The following EPN1 variants were observed in gnomAD, a reference collection of about 807,000 sequenced individuals.
EPN1 encodes epsin-1.
A neutral mutation model predicts 56.9 loss-of-function variants in EPN1; 25 were observed. That is an observed-to-expected ratio of 0.44 (90% CI 0.32 to 0.61). The LOEUF is 0.61. Among genes scored for constraint, EPN1 ranks in the 20% least tolerant of loss-of-function variants. The pLI, the probability that EPN1 is intolerant of heterozygous loss-of-function variation, is 0.05. For missense variants in EPN1, 785 were observed against 823.7 expected (o/e 0.95, Z 0.58); for synonymous variants, 411 against 361.8 (o/e 1.14, Z -1.54).
Position 55,678,592 on chromosome 19 carries a change from G to C in EPN1, c.-36G>C. The C allele has an allele frequency of 6.3e-7, 1 of 1,579,632 alleles. No homozygotes were observed. Among genetic ancestry groups the C allele is most frequent in the Non-Finnish European group, 8.6e-7 (1 of 1,164,656 alleles). ...GAGTCGCCCCATCTCTCCACGCATC[G>C]GGGCCCTGTGCCCCTTGCTGCTGCA... On this transcript the variant is annotated 5_prime_UTR_variant, in exon 2 of 11. Transcript: ENST00000270460.
At position 55,694,558 on chromosome 19, in the gene EPN1, G is replaced by A. The variant is rs542752819; in HGVS notation, c.1265-168G>A. The stretch of plus-strand genomic sequence containing the variant: ...TTATGGGAATCTGGGCTGACGTGAG[G>A]TTTTGGCCTGGGCAAGCGATGCTTC... On this transcript the variant is annotated intron_variant, in intron 9 of 10. Transcript: ENST00000270460. This position sits in a 1 kb window ranked among gnomAD's most constrained non-coding sequence, Gnocchi z 4.2. 2.5e-5 allele frequency: 19 copies of A among 759,348 alleles called. No individual in the cohort carries two copies. In the East Asian group the frequency reaches 5.0e-4, roughly 20 times the overall value. 47.0% of individuals were successfully genotyped at this position (759,348 alleles called of 1,614,324 possible).
chr19:55,682,672 A>G (rs962445657), intron 2 of EPN1, among the ~76,000 whole-genome samples: 1 of 152,080 alleles, frequency 6.6e-6, no homozygotes, highest in Non-Finnish European at 1.5e-5. Context: ...GACTCAAGCG[A>G]TCCACCGACT....
Position 55,689,113 on chromosome 19 carries a change from C to T in EPN1, c.603+119C>T, listed in dbSNP as rs1052730046. 1.8e-5 allele frequency: 24 copies of T among 1,370,220 alleles called. No homozygotes were observed. Among genetic ancestry groups the T allele is most frequent in the South Asian group, 1.0e-4 (7 of 69,964 alleles). 84.9% of individuals were successfully genotyped at this position (1,370,220 alleles called of 1,614,324 possible). A position where few individuals can be genotyped will look rare whatever the true frequency, so the allele number is the denominator to read the frequency against. ...TGTCGCTGCTCCACATGCTGTCACT[C>T]GTCTCCTCCCCAGTCCTGCCTCATC... is the stretch of plus-strand genomic sequence containing the variant. On this transcript the variant is annotated intron_variant, in intron 4 of 10. Transcript: ENST00000270460. The surrounding 1 kb of genome is among the most constrained non-coding windows in gnomAD (Gnocchi z 5.7).
Position 55,691,665 on chromosome 19 carries a change from C to A in EPN1, c.763-89C>A. On this transcript the variant is annotated intron_variant, in intron 6 of 10. Transcript: ENST00000270460. This position sits in a 1 kb window ranked among gnomAD's most constrained non-coding sequence, Gnocchi z 5.6. ...TGCTGTCTGGACACCCAGGGCCTGG[C>A]CGCCTCCCCCGCCACGGGCCCCAGC... 1 of 1,221,626 alleles carries A rather than the reference C, an allele frequency of 8.2e-7. No individual in the cohort carries two copies. The highest frequency in any genetic ancestry group is 1.2e-6 in the Non-Finnish European group (1 of 853,916). 75.7% of individuals were successfully genotyped at this position (1,221,626 alleles called of 1,614,324 possible). A position where few individuals can be genotyped will look rare whatever the true frequency, so the allele number is the denominator to read the frequency against.
rs765268448 is a variant in EPN1 at position 55,708,963 on chromosome 19, T to A, written c.*13607T>A. ...ATTCCTCGTCAATCCAAGGTCCATG[T>A]GAAATGGTCAGATGGGGAATTTTTT... On this transcript the variant is annotated 3_prime_UTR_variant, in exon 11 of 11. Transcript: ENST00000270460. 10 of 1,590,368 alleles carry A rather than the reference T, an allele frequency of 6.3e-6. No homozygotes were observed. Among genetic ancestry groups the A allele is most frequent in the Non-Finnish European group, 8.5e-6 (10 of 1,171,284 alleles).
In EPN1 at chr19:55,707,229, C is replaced by G. The variant is rs973940386; in HGVS notation, c.*11873C>G. The G allele has an allele frequency of 4.6e-5, 7 of 151,836 alleles. No homozygotes were observed. The highest frequency in any genetic ancestry group is 1.7e-4 in the African/African-American group (7 of 41,312). 9.4% of individuals were successfully genotyped at this position (151,836 alleles called of 1,614,324 possible). On this transcript the variant is annotated 3_prime_UTR_variant, in exon 11 of 11. Transcript: ENST00000270460. ...CGGTAGTGTGCACCTGTGGTCCCAG[C>G]TACACAGGAGGCTGAGGCAGGAGCA...
chr19:55,678,928 C>T, intron 2 of EPN1, 73 bp downstream of exon 2: 2 of 1,077,938 alleles, frequency 1.9e-6, no homozygotes, highest in Non-Finnish European at 2.7e-6. Flanking sequence ...TGTTGTGCAC[C>T]CTGCCTGGGA....
Position 55,689,289 on chromosome 19 carries a change from TC to T in EPN1, c.604-3del. 1 of 1,542,184 alleles carries T rather than the reference TC, an allele frequency of 6.5e-7. No homozygotes were observed. Among genetic ancestry groups the T allele is most frequent in the Non-Finnish European group, 8.8e-7 (1 of 1,141,530 alleles). ...CCCGTCATGCCCCTCACACTCTCTC[TC>T]CCCCAGCCCCCGTCCTGCGGCCCCG... is the stretch of plus-strand genomic sequence containing the variant. On this transcript the variant is annotated splice_polypyrimidine_tract_variant and splice_region_variant and intron_variant, in intron 4 of 10. Transcript: ENST00000270460. This position sits in a 1 kb window ranked among gnomAD's most constrained non-coding sequence, Gnocchi z 5.7.
intron 3 of EPN1, 103 bp from the exon 4 acceptor site, chr19:55,688,767 G>C (rs913040038): frequency 1.7e-5 from 25 of 1,495,868 alleles, no homozygotes; most frequent in Non-Finnish European, 2.2e-5. Context: ...GGGGGACTTG[G>C]GGGGTGGGGT....
In EPN1 at chr19:55,689,942, A is replaced by G; in HGVS notation, c.754A>G (p.Lys252Glu). Reference protein sequence around the residue: ...IEESKRETGGKEESSLMDLAD... With the variant: ...IEESKRETGGEEESSLMDLAD... ...GGAGAGCAAGAGGGAGACTGGGGGCAAGGAGGAGGTGAGCGGGGCTTGTTC... is the reference window on the plus strand; with the variant it reads ...GGAGAGCAAGAGGGAGACTGGGGGCGAGGAGGAGGTGAGCGGGGCTTGTTC... Residue 252 changes from lysine (K) to glutamate (E), a missense_variant, in exon 6 of 11, where the codon AAG (lysine) becomes GAG (glutamate). Coordinates refer to ENST00000270460, the MANE Select transcript of EPN1 (RefSeq NM_001130072.2). This position sits in a 1 kb window ranked among gnomAD's most constrained non-coding sequence, Gnocchi z 5.7. 6.2e-7 allele frequency: 1 copy of G among 1,600,902 alleles called. No individual in the cohort carries two copies. Among genetic ancestry groups the G allele is most frequent in the Non-Finnish European group, 8.5e-7 (1 of 1,174,276 alleles).
intron 1 of EPN1, chr19:55,677,202 G>A (rs370256903): frequency 2.6e-6 from 4 of 1,534,096 alleles, no homozygotes; most frequent in South Asian, 2.4e-5. Flanking sequence ...CTGGAACCAG[G>A]CTGCTCCAGG....
In EPN1 at chr19:55,695,056, G is replaced by T; in HGVS notation, c.1522+73G>T. The T allele has an allele frequency of 1.3e-6, 2 of 1,592,822 alleles. No homozygotes were observed. Among genetic ancestry groups the T allele is most frequent in the East Asian group, 4.6e-5 (2 of 43,862 alleles). The stretch of plus-strand genomic sequence containing the variant: ...CAGAGGAGGTGCCTCACGGGGCAGG[G>T]ACACTTCGCCCTTTGCCTGCACATG... On this transcript the variant is annotated intron_variant, in intron 10 of 10. Coordinates refer to ENST00000270460, the MANE Select transcript of EPN1 (RefSeq NM_001130072.2). This position sits in a 1 kb window ranked among gnomAD's most constrained non-coding sequence, Gnocchi z 4.4.
intron 2 of EPN1, among the ~76,000 whole-genome samples, chr19:55,682,623 G>A (rs892212566): frequency 2.0e-5 from 3 of 151,684 alleles, no homozygotes; most frequent in Non-Finnish European, 4.4e-5. Flanking sequence ...TTTAGAGCTG[G>A]GGTTTTGCCA....
In EPN1 at chr19:55,709,224, T is replaced by G; in HGVS notation, c.*13868T>G. On this transcript the variant is annotated 3_prime_UTR_variant, in exon 11 of 11. Transcript: ENST00000270460. ...TCCTATAGGATAGGAAGCCTCTGAT[T>G]TATACCATAAAGTGAAATTTCATAT... 2 of 431,122 alleles carry G rather than the reference T, an allele frequency of 4.6e-6. No individual in the cohort carries two copies. 26.7% of individuals were successfully genotyped at this position (431,122 alleles called of 1,614,324 possible). A position where few individuals can be genotyped will look rare whatever the true frequency, so the allele number is the denominator to read the frequency against.
At chr19:55,683,621 G>A (rs187072604) in intron 2 of EPN1, among the ~76,000 whole-genome samples, 5 of 152,378 alleles carry the variant, frequency 3.3e-5, no homozygotes, top group Admixed American at 1.3e-4. Context: ...CCATAGTGCC[G>A]GGATTATAGG....
At chr19:55,681,613 A>G (rs1985824656) in intron 2 of EPN1, among the ~76,000 whole-genome samples, 1 of 152,186 alleles carries the variant, frequency 6.6e-6, no homozygotes, top group South Asian at 2.1e-4. Context: ...TGAAAAACTG[A>G]AATGTTTTTC....
At position 55,695,325 on chromosome 19, in the gene EPN1, C is replaced by G; in HGVS notation, c.1700C>G (p.Pro567Arg). 2 of 1,526,420 alleles carry G rather than the reference C, an allele frequency of 1.3e-6. No homozygotes were observed. Among genetic ancestry groups the G allele is most frequent in the Non-Finnish European group, 1.8e-6 (2 of 1,132,858 alleles). The allele number at this position is 1,526,420 out of a possible 1,614,324, so 94.6% of individuals were successfully genotyped here. A position where few individuals can be genotyped will look rare whatever the true frequency, so the allele number is the denominator to read the frequency against. ...CCCCCCATGATGCCCCCGGGCCCCC[C>G]GGCCCCCAACACTAATCCCTTCCTC... Reference protein sequence around the residue: ...GLPPMMPPGPPAPNTNPFLL With the variant: ...GLPPMMPPGPRAPNTNPFLL Residue 567 changes from proline (P) to arginine (R), a missense_variant, in exon 11 of 11, where the codon CCG (proline) becomes CGG (arginine). By Grantham distance (103) the Pro-to-Arg change is moderately radical. This residue lies in a region of EPN1 where 650 missense variants were observed against 605.0 expected (regional missense o/e 1.07). Transcript: ENST00000270460. The surrounding 1 kb of genome is among the most constrained non-coding windows in gnomAD (Gnocchi z 4.4).
At position 55,697,807 on chromosome 19, in the gene EPN1, G is replaced by A. The variant is rs1986969007; in HGVS notation, c.*2451G>A. 1 of 152,162 alleles carries A rather than the reference G, an allele frequency of 6.6e-6. No individual in the cohort carries two copies. The highest frequency in any genetic ancestry group is 1.5e-5 in the Non-Finnish European group (1 of 68,048). The allele number at this position is 152,162 out of a possible 1,614,324, so 9.4% of individuals were successfully genotyped here. A position where few individuals can be genotyped will look rare whatever the true frequency, so the allele number is the denominator to read the frequency against. ...TAGTGACATACACGGTTGAACGCTG[G>A]GAGAATGCTGGGAGCCTGCTGTTGT... is the stretch of plus-strand genomic sequence containing the variant. On this transcript the variant is annotated 3_prime_UTR_variant, in exon 11 of 11. Transcript: ENST00000270460.
At position 55,692,977 on chromosome 19, in the gene EPN1, G is replaced by C. The variant is rs745567288; in HGVS notation, c.1204G>C (p.Asp402His). ...AGCCGGGGGATTCGACACGGAGCCC[G>C]ACGAGTTCTCTGACTTTGACCGACT... ...TAAGGFDTEP[D>H]EFSDFDRLRT... The change falls in exon 9 of 11, where the codon GAC becomes CAC. Residue 402 changes from aspartate (D) to histidine (H), a missense_variant. Physicochemically the swap from Asp to His is moderately conservative, Grantham distance 81 (BLOSUM62 -1). Around this residue, in one of 2 missense-constraint regions of EPN1, gnomAD observed 650 missense variants for 605.0 expected, o/e 1.07. Coordinates refer to ENST00000270460, the MANE Select transcript of EPN1 (RefSeq NM_001130072.2). The C allele has an allele frequency of 6.2e-7, 1 of 1,613,356 alleles. No homozygotes were observed. The highest frequency in any genetic ancestry group is 1.3e-5 in the African/African-American group (1 of 74,922).
Sources: gnomAD v4.1 joint callset for allele counts (sites outside exome capture counted in the v4.1 genomes callset) on GRCh38, gnomAD v4.1.1 for gene constraint, gnomAD v4.1.1 regional missense constraint, Gnocchi (gnomAD v3.1) non-coding constraint, MANE v1.5 for transcripts, NCBI Gene and HGNC (gene_info 2026-07-23, HGNC 2026-07-21) for gene names.